CSMD1: variants seen among roughly 807,000 people sequenced by gnomAD.
The protein encoded by CSMD1 is CUB and Sushi multiple domains 1.
A neutral mutation model predicts 417.5 loss-of-function variants in CSMD1; 213 were observed. The observed-to-expected ratio is 0.51, with a 90% CI of 0.46 to 0.57. The LOEUF (loss-of-function observed/expected upper bound fraction) is 0.57, where lower values mean the gene tolerates loss of function less well. Among genes scored for constraint, CSMD1 ranks in the 20% least tolerant of loss-of-function variants. CSMD1 has a pLI of 0.00. For synonymous variants in CSMD1, 2,862 were observed against 1,736.8 expected (o/e 1.65, Z -16.11); for missense variants, 6,923 against 4,529.7 (o/e 1.53, Z -15.17).
At chr8:4,284,811 T>G (rs76901671) in intron 3 of CSMD1, among the ~76,000 whole-genome samples, 1 of 152,008 alleles carries the variant, frequency 6.6e-6, no homozygotes, top group Non-Finnish European at 1.5e-5. Flanking sequence ...CAAACTTCAA[T>G]ATATGTGGCC....
At chr8:3,873,642 C>G (rs944317189) in intron 5 of CSMD1, among the ~76,000 whole-genome samples, 2 of 152,086 alleles carry the variant, frequency 1.3e-5, no homozygotes, top group African/African-American at 4.8e-5. Context: ...ATTTGCATAT[C>G]AAACCCCCAT....
chr8:4,306,325 A>G (rs1320846469), intron 3 of CSMD1, among the ~76,000 whole-genome samples: 3 of 152,212 alleles, frequency 2.0e-5, no homozygotes, highest in Admixed American at 1.3e-4. Context: ...CGATCCTTCC[A>G]TCATCACCAT....
chr8:4,068,857 C>T (rs898556120), intron 3 of CSMD1, among the ~76,000 whole-genome samples: 14 of 152,034 alleles, frequency 9.2e-5, no homozygotes, highest in African/African-American at 3.4e-4. Context: ...TGCAGCTCCA[C>T]CATCTAGTTA....
intron 1 of CSMD1, among the ~76,000 whole-genome samples, chr8:4,690,465 T>G (rs889140299): frequency 6.6e-6 from 1 of 152,136 alleles, no homozygotes; most frequent in Non-Finnish European, 1.5e-5. Context: ...ATATCAAAAT[T>G]TGTATTTTAA....
intron 10 of CSMD1, among the ~76,000 whole-genome samples, chr8:3,526,922 G>A (rs1009226136): frequency 6.6e-6 from 1 of 152,118 alleles, no homozygotes; most frequent in Non-Finnish European, 1.5e-5. Flanking sequence ...ATCTAATGGT[G>A]TCCAGGGGAT....
intron 5 of CSMD1, among the ~76,000 whole-genome samples, chr8:3,896,488 G>C (rs1212792883): frequency 6.6e-6 from 1 of 151,856 alleles, no homozygotes; most frequent in Non-Finnish European, 1.5e-5. Context: ...TACCAAATAA[G>C]GTCTTGAATA....
intron 3 of CSMD1, among the ~76,000 whole-genome samples, chr8:4,201,045 C>G (rs763944512): frequency 1.3e-5 from 2 of 152,152 alleles, no homozygotes; most frequent in Admixed American, 6.5e-5. Context: ...GAGACGAATT[C>G]AAACACCATT....
At chr8:3,946,931 T>C (rs1012140636) in intron 5 of CSMD1, among the ~76,000 whole-genome samples, 2 of 152,244 alleles carry the variant, frequency 1.3e-5, no homozygotes, top group Non-Finnish European at 2.9e-5. Context: ...TTGTTATGTC[T>C]AGTAACTTTT....
intron 2 of CSMD1, among the ~76,000 whole-genome samples, chr8:4,470,131 A>T (rs2130039341): frequency 6.6e-6 from 1 of 151,952 alleles, no homozygotes; most frequent in Non-Finnish European, 1.5e-5. Flanking sequence ...CGGCCTCCCA[A>T]AGGGCTGGGA....
chr8:3,684,417 T>A (rs997614345), intron 7 of CSMD1, among the ~76,000 whole-genome samples: 1 of 149,418 alleles, frequency 6.7e-6, no homozygotes, highest in Non-Finnish European at 1.5e-5. Context: ...CAAAATATAT[T>A]TTTTTCATCT....
chr8:4,350,669 A>G (rs112872201), intron 3 of CSMD1, among the ~76,000 whole-genome samples: 16 of 152,350 alleles, frequency 1.1e-4, no homozygotes, highest in African/African-American at 3.8e-4. Flanking sequence ...TACTAGAACA[A>G]AGGTGTATTT....
rs143703195 is a variant in CSMD1 at position 4,396,616 on chromosome 8, T to TACACAC, written c.415+23331_415+23336dup. Among the ~76,000 whole-genome samples, 349 of 148,676 alleles carry TACACAC rather than the reference T, an allele frequency of 2.3e-3. 1 individual carries two copies. Among genetic ancestry groups the TACACAC allele is most frequent in the African/African-American group, 6.8e-3 (278 of 40,606 alleles). ...CAATGAGTGCATAAGGAAAATGTGATACACACACACACACACACACACACA... is the reference window on the plus strand; with the variant it reads ...CAATGAGTGCATAAGGAAAATGTGATACACACACACACACACACACACACACACACA... On this transcript the variant is annotated intron_variant, in intron 3 of 69. Transcript: ENST00000635120.
intron 52 of CSMD1, among the ~76,000 whole-genome samples, chr8:3,012,887 T>C (rs921638957): frequency 1.3e-5 from 2 of 152,174 alleles, no homozygotes; most frequent in Admixed American, 6.5e-5. Context: ...CAGGAAGAGA[T>C]AATTGAATCA....
At chr8:4,920,418 T>C (rs972787185) in intron 1 of CSMD1, among the ~76,000 whole-genome samples, 1 of 152,350 alleles carries the variant, frequency 6.6e-6, no homozygotes, top group South Asian at 2.1e-4. Flanking sequence ...CACTCATATC[T>C]TGAAAATCCG....
intron 5 of CSMD1, among the ~76,000 whole-genome samples, chr8:3,851,044 T>A (rs1201828902): frequency 6.6e-6 from 1 of 152,226 alleles, no homozygotes; most frequent in Non-Finnish European, 1.5e-5. Context: ...CATAACAATT[T>A]GTAGAAATGA....
At chr8:3,947,224 C>T (rs1452892707) in intron 5 of CSMD1, among the ~76,000 whole-genome samples, 1 of 152,202 alleles carries the variant, frequency 6.6e-6, no homozygotes, top group African/African-American at 2.4e-5. Flanking sequence ...AGCTGAAAAG[C>T]TGCATGATAA....
At chr8:3,959,450 G>A (rs1812176370) in intron 5 of CSMD1, among the ~76,000 whole-genome samples, 2 of 152,184 alleles carry the variant, frequency 1.3e-5, no homozygotes, top group Non-Finnish European at 2.9e-5. Context: ...AGTGAGCCAA[G>A]ATCACGCCAT....
At chr8:4,282,907 G>A (rs1444640594) in intron 3 of CSMD1, among the ~76,000 whole-genome samples, 1 of 152,018 alleles carries the variant, frequency 6.6e-6, no homozygotes, top group Non-Finnish European at 1.5e-5. Flanking sequence ...ACTTACCACA[G>A]TTCATTGCTG....
chr8:3,331,253 G>A (rs202084649), intron 23 of CSMD1, among the ~76,000 whole-genome samples: 140 of 132,304 alleles, frequency 1.1e-3, no homozygotes, highest in Middle Eastern at 4.1e-3. Context: ...AAAAAAAAAA[G>A]AAAAGCAACT....
Sources: gnomAD v4.1 joint callset for allele counts (sites outside exome capture counted in the v4.1 genomes callset) on GRCh38, gnomAD v4.1.1 for gene constraint, MANE v1.5 for transcripts, NCBI Gene and HGNC (gene_info 2026-07-23, HGNC 2026-07-21) for gene names.